RANBP2: variants seen among roughly 807,000 people sequenced by gnomAD.
RANBP2 encodes the protein RAN binding protein 2, also known as E3 SUMO-protein ligase RanBP2.
In RANBP2, 57 loss-of-function variants were observed where a neutral mutation model predicts 303.6. The observed-to-expected ratio is 0.19, with a 90% CI of 0.15 to 0.23. RANBP2 has a LOEUF of 0.23. Ranked by LOEUF, RANBP2 falls within the 10% of genes least tolerant of loss-of-function variation. The pLI is 1.00. For synonymous variants in RANBP2, 1,167 were observed against 1,301.5 expected, an observed-to-expected ratio of 0.90 and a Z score of 2.23; for missense variants, 3,138 against 3,780.8, an observed-to-expected ratio of 0.83 and a Z score of 4.46.
the RANBP2 span, among the ~76,000 whole-genome samples, chr2:109,587,685 G>A: frequency 1.2e-4 from 18 of 152,164 alleles, no homozygotes; most frequent in African/African-American, 3.1e-4. Flanking sequence ...AGGCCGAGGC[G>A]GGTGGATAAC....
chr2:109,584,612 G>A, the RANBP2 span, among the ~76,000 whole-genome samples: 63 of 150,990 alleles, frequency 4.2e-4, no homozygotes, highest in Non-Finnish European at 6.9e-4. Flanking sequence ...ATCTTTATAC[G>A]ACCTTAGGAG....
chr2:109,645,053 G>A, the RANBP2 span, among the ~76,000 whole-genome samples: 1 of 152,212 alleles, frequency 6.6e-6, no homozygotes, highest in African/African-American at 2.4e-5. Context: ...AACTATGCCA[G>A]GATTCACAAG....
At chr2:108,968,681 G>T in the RANBP2 span, among the ~76,000 whole-genome samples, 1 of 152,182 alleles carries the variant, frequency 6.6e-6, no homozygotes, top group Non-Finnish European at 1.5e-5. Flanking sequence ...GCTGTGCACA[G>T]AATTTGCCCC....
chr2:108,882,119 A>T, the RANBP2 span: 53 of 152,004 alleles, frequency 3.5e-4, no homozygotes, highest in Non-Finnish European at 5.9e-4. Flanking sequence ...ACACCAATGC[A>T]CTCCGGTCTG....
the RANBP2 span, among the ~76,000 whole-genome samples, chr2:108,825,509 T>C: frequency 6.6e-6 from 1 of 152,160 alleles, no homozygotes. Flanking sequence ...CTAATCTGCT[T>C]TCTGTCTTTA....
chr2:109,546,347 C>A, the RANBP2 span: 1 of 581,428 alleles, frequency 1.7e-6, no homozygotes, highest in East Asian at 3.1e-5. Flanking sequence ...GAATAACCTA[C>A]ACAGTCAAAA....
the RANBP2 span, among the ~76,000 whole-genome samples, chr2:108,980,566 C>T: frequency 6.6e-6 from 1 of 151,928 alleles, no homozygotes; most frequent in Non-Finnish European, 1.5e-5. Context: ...ATGTATAAGT[C>T]GTTGAGTGGA....
At chr2:109,413,887 A>G in the RANBP2 span, among the ~76,000 whole-genome samples, 1 of 152,158 alleles carries the variant, frequency 6.6e-6, no homozygotes, top group Non-Finnish European at 1.5e-5. Context: ...GAGTGGGATC[A>G]AGAGGTGTAA....
the RANBP2 span, among the ~76,000 whole-genome samples, chr2:109,652,014 G>A: frequency 5.9e-5 from 9 of 152,106 alleles, no homozygotes; most frequent in Admixed American, 5.9e-4. Context: ...CAGTGACAGG[G>A]GCCAATGCTT....
chr2:109,210,680 G>A, the RANBP2 span, among the ~76,000 whole-genome samples: 2 of 152,200 alleles, frequency 1.3e-5, no homozygotes, highest in South Asian at 2.1e-4. Flanking sequence ...ACTCCAGGTG[G>A]GAGGCCCAGG....
At chr2:109,130,843 A>C in the RANBP2 span, among the ~76,000 whole-genome samples, 1 of 152,090 alleles carries the variant, frequency 6.6e-6, no homozygotes, top group African/African-American at 2.4e-5. Flanking sequence ...TCTTCTCTGG[A>C]TGGCTTCAAT....
chr2:108,974,197 G>A, the RANBP2 span, among the ~76,000 whole-genome samples: 1 of 151,628 alleles, frequency 6.6e-6, no homozygotes, highest in African/African-American at 2.4e-5. Flanking sequence ...GGGCGTGGTG[G>A]CAGGCGCCTG....
At position 108,781,448 on chromosome 2, in the gene RANBP2, A is replaced by G; in HGVS notation, c.8760+19A>G. 6.2e-7 allele frequency: 1 copy of G among 1,611,772 alleles called. No homozygotes were observed. Among genetic ancestry groups the G allele is most frequent in the Non-Finnish European group, 8.5e-7 (1 of 1,178,066 alleles). ...ACCAGAGGTAAATGTTAAGGAATTAACCTTTTACTAATAACTTATTTTTCA... is the reference window on the plus strand; with the variant it reads ...ACCAGAGGTAAATGTTAAGGAATTAGCCTTTTACTAATAACTTATTTTTCA... On this transcript the variant is annotated intron_variant, in intron 26 of 28. Coordinates refer to ENST00000283195, the MANE Select transcript of RANBP2 (RefSeq NM_006267.5).
the RANBP2 span, chr2:109,593,127 A>G: frequency 1.3e-6 from 2 of 1,583,040 alleles, no homozygotes; most frequent in Non-Finnish European, 1.7e-6. Flanking sequence ...GAGCTAAAAA[A>G]GGAATACAAA....
chr2:109,144,300 TTTTA>T, the RANBP2 span, among the ~76,000 whole-genome samples: 2 of 152,244 alleles, frequency 1.3e-5, no homozygotes, highest in African/African-American at 2.4e-5. Context: ...TATATACAAT[TTTTA>T]TTTGTCTGTT....
chr2:109,778,523 C>CT, the RANBP2 span, among the ~76,000 whole-genome samples: 1 of 149,836 alleles, frequency 6.7e-6, no homozygotes, highest in Non-Finnish European at 1.5e-5. Context: ...CTAGAAACAT[C>CT]TTTTTTCAAT....
At chr2:109,357,863 T>C in the RANBP2 span, among the ~76,000 whole-genome samples, 1 of 152,240 alleles carries the variant, frequency 6.6e-6, no homozygotes, top group Non-Finnish European at 1.5e-5. Flanking sequence ...TCCTGCATTG[T>C]CAACATCACT....
the RANBP2 span, among the ~76,000 whole-genome samples, chr2:109,312,373 T>C: frequency 4.6e-5 from 7 of 152,320 alleles, no homozygotes; most frequent in Non-Finnish European, 7.4e-5. Context: ...GTATAATACT[T>C]ATAACATGAA....
At chr2:109,308,315 G>T in the RANBP2 span, among the ~76,000 whole-genome samples, 1 of 118,540 alleles carries the variant, frequency 8.4e-6, no homozygotes, top group Non-Finnish European at 1.7e-5. Context: ...TGTAGATTCT[G>T]GATATTAGCC....
Sources: gnomAD v4.1 joint callset for allele counts (sites outside exome capture counted in the v4.1 genomes callset) on GRCh38, gnomAD v4.1.1 for gene constraint, MANE v1.5 for transcripts, NCBI Gene and HGNC (gene_info 2026-07-23, HGNC 2026-07-21) for gene names.